The following DDX10 variants were observed in gnomAD, a reference collection of about 807,000 sequenced individuals.
DDX10 encodes DEAD-box helicase 10.
DDX10 carries 74 observed loss-of-function variants against 104.3 expected under a neutral mutation model. The ratio of observed to expected loss-of-function variants is 0.71; its 90% confidence interval spans 0.59 to 0.86. DDX10 has a LOEUF of 0.86. Among genes scored for constraint, DDX10 ranks in the 40% least tolerant of loss-of-function variants. The probability of loss-of-function intolerance (pLI) is 0.00; values close to 1 mark genes in which losing one functional copy is unlikely to be tolerated. For synonymous variants in DDX10, 351 were observed against 353.4 expected (o/e 0.99, Z 0.08); for missense variants, 952 against 1,040.0 (o/e 0.92, Z 1.16).
intron 10 of DDX10, among the ~76,000 whole-genome samples, chr11:108,709,353 T>G (rs576599423): frequency 2.6e-5 from 4 of 152,374 alleles, no homozygotes; most frequent in African/African-American, 9.6e-5. Context: ...TGAAAGAGAT[T>G]ATAGGAAATT....
At chr11:108,775,554 T>A (rs943896426) in intron 13 of DDX10, among the ~76,000 whole-genome samples, 1 of 152,208 alleles carries the variant, frequency 6.6e-6, no homozygotes, top group Non-Finnish European at 1.5e-5. Flanking sequence ...ACTATGCTGG[T>A]TAGCTCAGGT....
chr11:108,741,210 TGTA>T lies in DDX10; in HGVS notation c.1965+17752_1965+17754del, dbSNP rs368991598. On this transcript the variant is annotated intron_variant, in intron 13 of 17. Transcript: ENST00000322536. ...CATGCTGTTTTGGTTACTGTAGCCT[TGTA>T]GTATAGTTTGATGTTGGGTGATGTG... is the stretch of plus-strand genomic sequence containing the variant. Among the ~76,000 whole-genome samples the T allele has an allele frequency of 8.1e-4, 122 of 151,392 alleles. 1 individual carries two copies. The highest frequency in any genetic ancestry group is 2.9e-3 in the African/African-American group (121 of 41,526).
At position 108,915,497 on chromosome 11, in the gene DDX10, A is replaced by G. The variant is rs540869458; in HGVS notation, c.2305-2376A>G. Among the ~76,000 whole-genome samples the G allele has an allele frequency of 7.2e-5, 11 of 151,966 alleles. No individual in the cohort carries two copies. The South Asian group carries it at 2.3e-3, about 32-fold the overall frequency. ...TTAAAGACATCGATGGTGGATAACAAATGTGACTTTAAAAAAATTATATAA... is the reference window on the plus strand; with the variant it reads ...TTAAAGACATCGATGGTGGATAACAGATGTGACTTTAAAAAAATTATATAA... On this transcript the variant is annotated intron_variant, in intron 16 of 17. Transcript: ENST00000322536.
intron 13 of DDX10, among the ~76,000 whole-genome samples, chr11:108,832,525 A>C (rs574034621): frequency 1.3e-5 from 2 of 152,342 alleles, no homozygotes; most frequent in South Asian, 4.1e-4. Flanking sequence ...GATAATACAA[A>C]TGGTGCATAG....
intron 16 of DDX10, among the ~76,000 whole-genome samples, chr11:108,874,521 T>G (rs139733179): frequency 7.9e-5 from 12 of 152,236 alleles, no homozygotes; most frequent in African/African-American, 2.9e-4. Flanking sequence ...CAGTTACTTT[T>G]TAACCATTTT....
chr11:108,673,490 A>C lies in DDX10; in HGVS notation c.210A>C (p.Arg70Ser), dbSNP rs371112664. 9.4e-6 allele frequency: 15 copies of C among 1,597,096 alleles called. No individual in the cohort carries two copies. The highest frequency in any genetic ancestry group is 1.3e-5 in the African/African-American group (1 of 74,484). ...AGATAAATGTAAATGAAATCACAAG[A>C]TTTTCAGATTTTCCCTTGTCCAAAA... ...YEKINVNEITRFSDFPLSKKT... is the reference protein window; with the variant it reads ...YEKINVNEITSFSDFPLSKKT... The change falls in exon 2 of 18, where the codon AGA (arginine) becomes AGC (serine). Residue 70 changes from arginine (R) to serine (S), a missense_variant. This residue lies in a region of DDX10 where 412 missense variants were observed against 479.2 expected (regional missense o/e 0.86). Transcript: ENST00000322536.
chr11:108,800,454 A>T (rs1316904011), intron 13 of DDX10, among the ~76,000 whole-genome samples: 1 of 150,768 alleles, frequency 6.6e-6, no homozygotes, highest in Non-Finnish European at 1.5e-5. Flanking sequence ...AAAAAAAAAA[A>T]AAAAAAAAGA....
chr11:108,933,958 AAGAC>A (rs761170686), intron 17 of DDX10, among the ~76,000 whole-genome samples: 85 of 152,350 alleles, frequency 5.6e-4, no homozygotes, highest in Non-Finnish European at 1.1e-3. Context: ...TGCACAGAAC[AAGAC>A]AGTTTTTGTC....
At chr11:108,670,899 C>CT (rs1330859731) in intron 1 of DDX10, among the ~76,000 whole-genome samples, 3 of 151,868 alleles carry the variant, frequency 2.0e-5, no homozygotes, top group African/African-American at 7.3e-5. Context: ...CGTTTCAATG[C>CT]TTTTTTCATC....
At chr11:108,868,903 T>C (rs922507703) in intron 16 of DDX10, among the ~76,000 whole-genome samples, 2 of 151,948 alleles carry the variant, frequency 1.3e-5, no homozygotes, top group African/African-American at 4.8e-5. Flanking sequence ...TCTATTGAGT[T>C]TATACAGATG....
At chr11:108,855,491 G>C (rs368273958) in intron 16 of DDX10, among the ~76,000 whole-genome samples, 1 of 152,070 alleles carries the variant, frequency 6.6e-6, no homozygotes, top group African/African-American at 2.4e-5. Flanking sequence ...ATGGAGTCTC[G>C]CTCTGTCACC....
In DDX10 at chr11:108,841,296, A is replaced by G; in HGVS notation, c.2086-19A>G. 6.2e-7 allele frequency: 1 copy of G among 1,608,100 alleles called. No homozygotes were observed. Among genetic ancestry groups the G allele is most frequent in the Non-Finnish European group, 8.5e-7 (1 of 1,178,166 alleles). ...TATTCCCTACTTCCTGTTGACACTG[A>G]CCTTTTTTTTACCTGTAGTTGGTTC... On this transcript the variant is annotated intron_variant, in intron 14 of 17. Coordinates refer to ENST00000322536, the MANE Select transcript of DDX10 (RefSeq NM_004398.4).
chr11:108,793,365 G>A (rs1447440441), intron 13 of DDX10, among the ~76,000 whole-genome samples: 1 of 152,162 alleles, frequency 6.6e-6, no homozygotes, highest in Non-Finnish European at 1.5e-5. Flanking sequence ...ACTGTTATCA[G>A]TAAACATTAC....
intron 9 of DDX10, 127 bp downstream of exon 9, chr11:108,693,727 G>A (rs2134451855): frequency 5.5e-6 from 4 of 728,178 alleles, no homozygotes; most frequent in East Asian, 5.0e-5. Flanking sequence ...TGTGGTGTGA[G>A]TTGACAGCTA....
At chr11:108,933,422 G>C (rs1296316790) in intron 17 of DDX10, among the ~76,000 whole-genome samples, 1 of 152,194 alleles carries the variant, frequency 6.6e-6, no homozygotes, top group Non-Finnish European at 1.5e-5. Context: ...GGTCAAAAGA[G>C]AGTATCTTTG....
chr11:108,729,913 G>T (rs973673410), intron 13 of DDX10: 1 of 152,842 alleles, frequency 6.5e-6, no homozygotes, highest in East Asian at 1.9e-4. Context: ...GTAAGCTGAT[G>T]AATCATTTTG....
intron 15 of DDX10, among the ~76,000 whole-genome samples, chr11:108,842,645 C>T (rs904410009): frequency 1.4e-4 from 21 of 152,144 alleles, no homozygotes; most frequent in Admixed American, 7.9e-4. Flanking sequence ...GAACCTGAAA[C>T]GTACTGGTTG....
chr11:108,794,114 A>C (rs1301128345), intron 13 of DDX10, among the ~76,000 whole-genome samples: 1 of 152,112 alleles, frequency 6.6e-6, no homozygotes, highest in Non-Finnish European at 1.5e-5. Flanking sequence ...TATCTCTGCT[A>C]TTGTGAATAG....
chr11:108,886,560 C>T (rs772984447), intron 16 of DDX10, among the ~76,000 whole-genome samples: 7 of 152,120 alleles, frequency 4.6e-5, no homozygotes, highest in African/African-American at 7.2e-5. Context: ...TGAATTTTGC[C>T]GTTGAAAATC....
Sources: allele counts gnomAD v4.1 joint callset (sites outside exome capture counted in the v4.1 genomes callset), GRCh38; gene constraint gnomAD v4.1.1; regional missense constraint gnomAD v4.1.1; transcripts MANE v1.5; gene names NCBI Gene and HGNC (gene_info 2026-07-23, HGNC 2026-07-21).